Variants in MSMP observed in about 807,000 individuals in gnomAD.
MSMP encodes the protein microseminoprotein, prostate associated, also known as prostate-associated microseminoprotein.
Under a neutral mutation model 15.8 loss-of-function variants are expected in MSMP, and 9 were observed. The ratio of observed to expected loss-of-function variants is 0.57; its 90% CI spans 0.34 to 0.99. MSMP has a LOEUF of 0.99. MSMP is among the 50% of genes least tolerant of loss of function. The pLI, the probability that MSMP is intolerant of heterozygous loss-of-function variation, is 0.02. For synonymous variants in MSMP, 64 were observed against 64.4 expected (o/e 0.99, Z 0.03); for missense variants, 170 against 173.4 (o/e 0.98, Z 0.11).
rs934272613 is a variant in MSMP, at chr9:35,754,263, A to G, written c.-134T>C. The G allele has an allele frequency of 5.3e-6, 6 of 1,134,572 alleles. No individual in the cohort carries two copies. The Admixed American group carries it at 1.1e-4, about 20-fold the overall frequency. The allele number at this position is 1,134,572 out of a possible 1,614,324, so 70.3% of individuals were successfully genotyped here. On this transcript the variant is annotated 5_prime_UTR_variant, in exon 1 of 3. Coordinates refer to ENST00000436428, the MANE Select transcript of MSMP (RefSeq NM_001044264.3). ...CTCCCCTGGGCTCCTGTCTCACACT[A>G]TCTCCCTGCCCTCTGCTCTCACAGG...
At position 35,753,435 on chromosome 9, in the gene MSMP, C is replaced by T. The variant is rs749975281; in HGVS notation, c.240-155G>A. 4.4e-5 allele frequency: 38 copies of T among 866,838 alleles called. No homozygotes were observed. Among genetic ancestry groups the T allele is most frequent in the Non-Finnish European group, 6.3e-5 (36 of 574,468 alleles). The allele number at this position is 866,838 out of a possible 1,614,324, so 53.7% of individuals were successfully genotyped here. A position where few individuals can be genotyped will look rare whatever the true frequency, so the allele number is the denominator to read the frequency against. On this transcript the variant is annotated intron_variant, in intron 2 of 2. Transcript: ENST00000436428. This position sits in a 1 kb window ranked among gnomAD's most constrained non-coding sequence, Gnocchi z 4.2. ...AAGCTGTCACCTACCATATGTGGGC[C>T]TTTTTGTTTTATAACAGGAGTATTT...
chr9:35,753,631 A>T lies in MSMP; in HGVS notation c.239+29T>A. 1 of 1,516,044 alleles carries T rather than the reference A, an allele frequency of 6.6e-7. No homozygotes were observed. 93.9% of individuals were successfully genotyped at this position (1,516,044 alleles called of 1,614,324 possible). On this transcript the variant is annotated intron_variant, in intron 2 of 2. Coordinates refer to ENST00000436428, the MANE Select transcript of MSMP (RefSeq NM_001044264.3). The surrounding 1 kb of genome is among the most constrained non-coding windows in gnomAD (Gnocchi z 4.2). ...TCCCTCAGTCACTCATATCAGAGTC[A>T]TTCTCTCTGGCCATCTTTGGTCACT...
chr9:35,753,157 T>G lies in MSMP; in HGVS notation c.363A>C (p.Pro121=). Residue 121 remains proline (P), a synonymous_variant, in exon 3 of 3, where the codon CCA becomes CCC. Coordinates refer to ENST00000436428, the MANE Select transcript of MSMP (RefSeq NM_001044264.3). The surrounding 1 kb of genome is among the most constrained non-coding windows in gnomAD (Gnocchi z 4.2). ...CAGGGGTGTTGGCTGAGCCCCATTC[T>G]GGGTCAGGCCCTCCCCCTTTGCAGG... ...RLPCKGGGPD[P]EWGSANTPVP... 6.2e-7 allele frequency: 1 copy of G among 1,614,220 alleles called. No individual in the cohort carries two copies. The highest frequency in any genetic ancestry group is 1.3e-5 in the African/African-American group (1 of 75,048).
Position 35,753,952 on chromosome 9 carries a change from G to T in MSMP, c.130+48C>A. ...TCATCTGTAAGGCCCCATCCTCCCT[G>T]TGCCCTCTCTGCTGCTCCTCCATTC... On this transcript the variant is annotated intron_variant, in intron 1 of 2. Coordinates refer to ENST00000436428, the MANE Select transcript of MSMP (RefSeq NM_001044264.3). The surrounding 1 kb of genome is among the most constrained non-coding windows in gnomAD (Gnocchi z 4.2). 1 of 1,588,130 alleles carries T rather than the reference G, an allele frequency of 6.3e-7. No homozygotes were observed. The highest frequency in any genetic ancestry group is 8.6e-7 in the Non-Finnish European group (1 of 1,164,014).
chr9:35,753,583 G>A lies in MSMP; in HGVS notation c.239+77C>T. On this transcript the variant is annotated intron_variant, in intron 2 of 2. Transcript: ENST00000436428. This position sits in a 1 kb window ranked among gnomAD's most constrained non-coding sequence, Gnocchi z 4.2. ...CTCTTCTGTTCATTCTTACATCACA[G>A]CAATCTAGTCACTCCCTGGTCATCC... is the stretch of plus-strand genomic sequence containing the variant. 1 of 1,228,552 alleles carries A rather than the reference G, an allele frequency of 8.1e-7. No homozygotes were observed. The highest frequency in any genetic ancestry group is 2.5e-5 in the East Asian group (1 of 40,324). The allele number at this position is 1,228,552 out of a possible 1,614,324, so 76.1% of individuals were successfully genotyped here. A position where few individuals can be genotyped will look rare whatever the true frequency, so the allele number is the denominator to read the frequency against.
chr9:35,753,938 G>A lies in MSMP; in HGVS notation c.130+62C>T, dbSNP rs534868329. Reference sequence around the variant, plus strand: ...ATTTTGACACGGGATCATCTGTAAGGCCCCATCCTCCCTGTGCCCTCTCTG... The same window carrying A: ...ATTTTGACACGGGATCATCTGTAAGACCCCATCCTCCCTGTGCCCTCTCTG... On this transcript the variant is annotated intron_variant, in intron 1 of 2. Transcript: ENST00000436428. This position sits in a 1 kb window ranked among gnomAD's most constrained non-coding sequence, Gnocchi z 4.2. 1.4e-4 allele frequency: 221 copies of A among 1,576,044 alleles called. No individual in the cohort carries two copies. The African/African-American group carries it at 2.8e-3, about 20-fold the overall frequency.
rs776883977 is a variant in MSMP at position 35,753,111 on chromosome 9, G to GGGGAGCAGGAGCCCC, written c.394_408dup (p.Gly132_Pro136dup). On this transcript the variant is annotated inframe_insertion, in exon 3 of 3. Coordinates refer to ENST00000436428, the MANE Select transcript of MSMP (RefSeq NM_001044264.3). The surrounding 1 kb of genome is among the most constrained non-coding windows in gnomAD (Gnocchi z 4.2). ...ATGATCAGTTGAGTTTAGCTGGAGT[G>GGGGAGCAGGAGCCCC]GGGAGCAGGAGCCCCAGGAACAGGG... is the stretch of plus-strand genomic sequence containing the variant. 6.2e-7 allele frequency: 1 copy of GGGGAGCAGGAGCCCC among 1,613,908 alleles called. No individual in the cohort carries two copies. The highest frequency in any genetic ancestry group is 1.7e-4 in the Middle Eastern group (1 of 6,056).
chr9:35,754,239 T>C lies in MSMP; in HGVS notation c.-110A>G. 5 of 1,365,282 alleles carry C rather than the reference T, an allele frequency of 3.7e-6. No homozygotes were observed. The highest frequency in any genetic ancestry group is 5.0e-6 in the Non-Finnish European group (5 of 1,010,028). 84.6% of individuals were successfully genotyped at this position (1,365,282 alleles called of 1,614,324 possible). ...CCTTGAGTCTTAGTTTCTGTCTTTC[T>C]CCCCTGGGCTCCTGTCTCACACTAT... is the stretch of plus-strand genomic sequence containing the variant. On this transcript the variant is annotated 5_prime_UTR_variant, in exon 1 of 3. Transcript: ENST00000436428.
In MSMP at chr9:35,753,262, G is replaced by A. The variant is rs752789150; in HGVS notation, c.258C>T (p.Asp86=). The change falls in exon 3 of 3, where the codon GAC becomes GAT. Residue 86 remains aspartate (D), a synonymous_variant. Coordinates refer to ENST00000436428, the MANE Select transcript of MSMP (RefSeq NM_001044264.3). This position sits in a 1 kb window ranked among gnomAD's most constrained non-coding sequence, Gnocchi z 4.2. ...GCCDTSQHPI[D]FPAGCEVRQE... is the part of the protein sequence containing the mutation. Reference sequence around the variant, plus strand: ...GACGTACCTCACACCCAGCCGGGAAGTCGATGGGATGCTGGGACCTGGGGA... The same window carrying A: ...GACGTACCTCACACCCAGCCGGGAAATCGATGGGATGCTGGGACCTGGGGA... 1.2e-6 allele frequency: 2 copies of A among 1,613,976 alleles called. No homozygotes were observed. The highest frequency in any genetic ancestry group is 3.3e-5 in the Admixed American group (2 of 60,028).
At position 35,753,797 on chromosome 9, in the gene MSMP, T is replaced by G. The variant is rs1827314037; in HGVS notation, c.131-29A>C. The stretch of plus-strand genomic sequence containing the variant: ...GGGAAGAACGGGAAATGTTAGTAGG[T>G]GTAGGAGTGCTGATGAGAGGCAGAG... On this transcript the variant is annotated intron_variant, in intron 1 of 2. Transcript: ENST00000436428. This position sits in a 1 kb window ranked among gnomAD's most constrained non-coding sequence, Gnocchi z 4.2. The G allele has an allele frequency of 6.3e-7, 1 of 1,595,906 alleles. No homozygotes were observed. The highest frequency in any genetic ancestry group is 1.7e-5 in the Admixed American group (1 of 59,914).
rs938717681 is a variant in MSMP, at chr9:35,753,483, T to G, written c.239+177A>C. On this transcript the variant is annotated intron_variant, in intron 2 of 2. Transcript: ENST00000436428. This position sits in a 1 kb window ranked among gnomAD's most constrained non-coding sequence, Gnocchi z 4.2. ...TTTTCTCTCCAGGTCCACCCCAACC[T>G]CCCCTGATTTATAGCCTGAAGCCTT... is the stretch of plus-strand genomic sequence containing the variant. 13 of 767,918 alleles carry G rather than the reference T, an allele frequency of 1.7e-5. No individual in the cohort carries two copies. Among genetic ancestry groups the G allele is most frequent in the Non-Finnish European group, 2.5e-5 (12 of 477,046 alleles). The allele number at this position is 767,918 out of a possible 1,614,324, so 47.6% of individuals were successfully genotyped here.
Position 35,754,164 on chromosome 9 carries a change from C to T in MSMP, c.-35G>A. On this transcript the variant is annotated 5_prime_UTR_variant, in exon 1 of 3. Coordinates refer to ENST00000436428, the MANE Select transcript of MSMP (RefSeq NM_001044264.3). ...ACAGCCCTCTCAGACCCTTCTTGGCCTCTGCTCAGCTACTCTGGTCTTGAC... is the reference window on the plus strand; with the variant it reads ...ACAGCCCTCTCAGACCCTTCTTGGCTTCTGCTCAGCTACTCTGGTCTTGAC... The T allele has an allele frequency of 6.3e-7, 1 of 1,591,896 alleles. No individual in the cohort carries two copies. Among genetic ancestry groups the T allele is most frequent in the Non-Finnish European group, 8.6e-7 (1 of 1,167,192 alleles).
In MSMP at chr9:35,753,188, C is replaced by G. The variant is rs150505941; in HGVS notation, c.332G>C (p.Arg111Pro). 5 of 1,614,080 alleles carry G rather than the reference C, an allele frequency of 3.1e-6. No homozygotes were observed. The African/African-American group carries it at 6.7e-5, about 22-fold the overall frequency. ...AGGCCCTCCCCCTTTGCAGGGCAGC[C>G]GAGGGTCAGATTTTTGCACCAAGGA... ...QFSLVQKSDP[R>P]LPCKGGGPDP... The change falls in exon 3 of 3, where the codon CGG (arginine) becomes CCG (proline). Residue 111 changes from arginine (R) to proline (P), a missense_variant. By Grantham distance (103) the Arg-to-Pro change is moderately radical. Coordinates refer to ENST00000436428, the MANE Select transcript of MSMP (RefSeq NM_001044264.3). The surrounding 1 kb of genome is among the most constrained non-coding windows in gnomAD (Gnocchi z 4.2).
At position 35,753,371 on chromosome 9, in the gene MSMP, C is replaced by CA; in HGVS notation, c.240-92dup. 7.0e-7 allele frequency: 1 copy of CA among 1,425,546 alleles called. No individual in the cohort carries two copies. The highest frequency in any genetic ancestry group is 2.0e-5 in the Admixed American group (1 of 49,452). 88.3% of individuals were successfully genotyped at this position (1,425,546 alleles called of 1,614,324 possible). ...GTTCCCTCTCTCACAGTTTTCCCCCCACAGAGCCCCTTTCAGTGGCCCCTT... is the reference window on the plus strand; with the variant it reads ...GTTCCCTCTCTCACAGTTTTCCCCCCAACAGAGCCCCTTTCAGTGGCCCCTT... On this transcript the variant is annotated intron_variant, in intron 2 of 2. Transcript: ENST00000436428. This position sits in a 1 kb window ranked among gnomAD's most constrained non-coding sequence, Gnocchi z 4.2.
rs1374912041 is a variant in MSMP at position 35,753,913 on chromosome 9, ATT to A, written c.130+85_130+86del. 1.3e-6 allele frequency: 2 copies of A among 1,559,482 alleles called. No individual in the cohort carries two copies. Among genetic ancestry groups the A allele is most frequent in the Non-Finnish European group, 1.7e-6 (2 of 1,148,004 alleles). On this transcript the variant is annotated intron_variant, in intron 1 of 2. Transcript: ENST00000436428. This position sits in a 1 kb window ranked among gnomAD's most constrained non-coding sequence, Gnocchi z 4.2. Reference sequence around the variant, plus strand: ...TTTCACAGCTGGAGGAAGCCTGGGTATTTTGACACGGGATCATCTGTAAGGCC... The same window carrying A: ...TTTCACAGCTGGAGGAAGCCTGGGTATTGACACGGGATCATCTGTAAGGCC...
chr9:35,753,383 T>C lies in MSMP; in HGVS notation c.240-103A>G. 2 of 1,301,466 alleles carry C rather than the reference T, an allele frequency of 1.5e-6. No homozygotes were observed. Among genetic ancestry groups the C allele is most frequent in the Non-Finnish European group, 2.1e-6 (2 of 946,932 alleles). The allele number at this position is 1,301,466 out of a possible 1,614,324, so 80.6% of individuals were successfully genotyped here. Reference sequence around the variant, plus strand: ...ACAGTTTTCCCCCCACAGAGCCCCTTTCAGTGGCCCCTTGGTCCTCCTAAC... The same window carrying C: ...ACAGTTTTCCCCCCACAGAGCCCCTCTCAGTGGCCCCTTGGTCCTCCTAAC... On this transcript the variant is annotated intron_variant, in intron 2 of 2. Transcript: ENST00000436428. The surrounding 1 kb of genome is among the most constrained non-coding windows in gnomAD (Gnocchi z 4.2).
rs1333041275 is a variant in MSMP, at chr9:35,753,972, C to G, written c.130+28G>C. ...TCCCTGTGCCCTCTCTGCTGCTCCT[C>G]CATTCCTAACGCTTCACCCCACTTT... is the stretch of plus-strand genomic sequence containing the variant. On this transcript the variant is annotated intron_variant, in intron 1 of 2. Transcript: ENST00000436428. The surrounding 1 kb of genome is among the most constrained non-coding windows in gnomAD (Gnocchi z 4.2). 1 of 1,601,756 alleles carries G rather than the reference C, an allele frequency of 6.2e-7. No homozygotes were observed.
Position 35,753,349 on chromosome 9 carries a change from C to T in MSMP, c.240-69G>A, listed in dbSNP as rs577348596. ...CTGCCTTTATCCCTGCCCACATGTT[C>T]CCTCTCTCACAGTTTTCCCCCCACA... On this transcript the variant is annotated intron_variant, in intron 2 of 2. Transcript: ENST00000436428. This position sits in a 1 kb window ranked among gnomAD's most constrained non-coding sequence, Gnocchi z 4.2. 1.4e-5 allele frequency: 21 copies of T among 1,524,968 alleles called. No individual in the cohort carries two copies. In the Admixed American group the frequency reaches 3.8e-4, roughly 27 times the overall value. 94.5% of individuals were successfully genotyped at this position (1,524,968 alleles called of 1,614,324 possible). A position where few individuals can be genotyped will look rare whatever the true frequency, so the allele number is the denominator to read the frequency against.
At position 35,753,073 on chromosome 9, in the gene MSMP, A is replaced by C; in HGVS notation, c.*27T>G. 3 of 1,608,182 alleles carry C rather than the reference A, an allele frequency of 1.9e-6. No homozygotes were observed. The highest frequency in any genetic ancestry group is 2.6e-6 in the Non-Finnish European group (3 of 1,175,448). ...CCTGGAAGTGGCAGCAGCAGTGAGC[A>C]GTCAGCAGATGGATGATCAGTTGAG... On this transcript the variant is annotated 3_prime_UTR_variant, in exon 3 of 3. Coordinates refer to ENST00000436428, the MANE Select transcript of MSMP (RefSeq NM_001044264.3). The surrounding 1 kb of genome is among the most constrained non-coding windows in gnomAD (Gnocchi z 4.2).
Sources: allele counts gnomAD v4.1 joint callset, GRCh38; gene constraint gnomAD v4.1.1; non-coding constraint Gnocchi (gnomAD v3.1); transcripts MANE v1.5; gene names NCBI Gene and HGNC (gene_info 2026-07-23, HGNC 2026-07-21).